NAALADL2: variants seen among roughly 807,000 people sequenced by gnomAD.
The protein encoded by NAALADL2 is inactive N-acetylated-alpha-linked acidic dipeptidase-like protein 2.
Under a neutral mutation model 87.2 loss-of-function variants are expected in NAALADL2, and 76 were observed. The observed-to-expected ratio is 0.87, with a 90% confidence interval of 0.72 to 1.05. NAALADL2 has a LOEUF of 1.05. Among genes scored for constraint, NAALADL2 ranks in the 50% least tolerant of loss-of-function variants. The probability of loss-of-function intolerance (pLI) is 0.00; values close to 1 mark genes in which losing one functional copy is unlikely to be tolerated. For missense variants in NAALADL2, 1,089 were observed against 945.8 expected (o/e 1.15, Z -1.99); for synonymous variants, 354 against 331.0 (o/e 1.07, Z -0.75).
At chr3:175,289,810 GA>G (rs1156722967) in intron 4 of NAALADL2, among the ~76,000 whole-genome samples, 1 of 151,424 alleles carries the variant, frequency 6.6e-6, no homozygotes, top group African/African-American at 2.4e-5. Context: ...ACAAACAAAA[GA>G]ACAAAATAAA....
intron 1 of NAALADL2, among the ~76,000 whole-genome samples, chr3:174,504,013 C>G (rs1331245015): frequency 2.0e-5 from 3 of 152,024 alleles, no homozygotes; most frequent in Admixed American, 6.6e-5. Flanking sequence ...GCATATTATT[C>G]TAGAACTTTA....
At chr3:174,882,585 ATATGTG>A (rs1729398658) in intron 1 of NAALADL2, among the ~76,000 whole-genome samples, 1 of 147,428 alleles carries the variant, frequency 6.8e-6, no homozygotes, top group African/African-American at 2.6e-5. Flanking sequence ...GCTTATACAC[ATATGTG>A]TATATACACA....
intron 5 of NAALADL2, among the ~76,000 whole-genome samples, chr3:175,440,359 G>T (rs903238287): frequency 7.9e-5 from 12 of 152,000 alleles, no homozygotes; most frequent in African/African-American, 2.7e-4. Context: ...TCTTGCTTTG[G>T]CTATGCAGGC....
At chr3:175,787,580 T>G (rs1413452695) in intron 13 of NAALADL2, among the ~76,000 whole-genome samples, 1 of 152,126 alleles carries the variant, frequency 6.6e-6, no homozygotes, top group African/African-American at 2.4e-5. Flanking sequence ...TCGCGCACGG[T>G]GCGCGCACCC....
At chr3:175,216,174 A>G (rs1742486559) in intron 2 of NAALADL2, among the ~76,000 whole-genome samples, 1 of 152,164 alleles carries the variant, frequency 6.6e-6, no homozygotes, top group Non-Finnish European at 1.5e-5. Context: ...GTATAAATGC[A>G]CACATAAGAA....
In NAALADL2 at chr3:174,735,514, A is replaced by G. The variant is rs147513151; in HGVS notation, c.-114-2127A>G. On this transcript the variant is annotated intron_variant, in intron 2 of 3. Coordinates refer to the NAALADL2 transcript ENST00000434257. ...TGTTTAATCCTTTTTTCCCAAAGAG[A>G]TACTAAGTTACTTCCTTCCAGTTAC... is the stretch of plus-strand genomic sequence containing the variant. 7.7e-3 allele frequency among the ~76,000 whole-genome samples: 1,169 copies of G among 152,170 alleles called. 16 individuals are homozygous for G. Among genetic ancestry groups the G allele is most frequent in the Middle Eastern group, 0.027 (8 of 294 alleles).
intron 2 of NAALADL2, among the ~76,000 whole-genome samples, chr3:174,642,721 A>C (rs1347242419): frequency 6.9e-6 from 1 of 145,094 alleles, no homozygotes; most frequent in Non-Finnish European, 1.5e-5. Context: ...CTTTAGACTA[A>C]AAGTAATATC....
chr3:175,544,829 C>G (rs1434340224), intron 9 of NAALADL2, among the ~76,000 whole-genome samples: 1 of 152,064 alleles, frequency 6.6e-6, no homozygotes. Context: ...ATTTTTCTGC[C>G]TATGTTATGG....
chr3:174,931,281 G>A (rs1386232488), intron 1 of NAALADL2, among the ~76,000 whole-genome samples: 1 of 152,102 alleles, frequency 6.6e-6, no homozygotes, highest in Non-Finnish European at 1.5e-5. Context: ...TAGGGGTTAA[G>A]ATCATGGGTT....
At chr3:174,824,631 A>C (rs530730577) in intron 3 of NAALADL2, among the ~76,000 whole-genome samples, 1 of 152,342 alleles carries the variant, frequency 6.6e-6, no homozygotes, top group South Asian at 2.1e-4. Context: ...AGTTTAGTTT[A>C]TTAACCAGAA....
chr3:174,870,077 G>C (rs1048687800), intron 1 of NAALADL2, among the ~76,000 whole-genome samples: 7 of 151,326 alleles, frequency 4.6e-5, no homozygotes, highest in Non-Finnish European at 8.8e-5. Flanking sequence ...GAGTTTGTGG[G>C]TGTGTGTGTG....
At chr3:174,485,217 C>T (rs1717778601) in intron 1 of NAALADL2, among the ~76,000 whole-genome samples, 1 of 151,938 alleles carries the variant, frequency 6.6e-6, no homozygotes, top group Non-Finnish European at 1.5e-5. Context: ...ATTTACATTG[C>T]ATGAGGTATT....
intron 1 of NAALADL2, among the ~76,000 whole-genome samples, chr3:174,960,626 A>T (rs1388369051): frequency 6.6e-6 from 1 of 152,012 alleles, no homozygotes; most frequent in Non-Finnish European, 1.5e-5. Context: ...CTTTTTTGGG[A>T]TAATATAATA....
chr3:175,432,814 C>T (rs533153807), intron 5 of NAALADL2, among the ~76,000 whole-genome samples: 3 of 152,144 alleles, frequency 2.0e-5, no homozygotes, highest in Admixed American at 2.0e-4. Flanking sequence ...TCAATGGAGC[C>T]GGACTTTGAC....
intron 2 of NAALADL2, among the ~76,000 whole-genome samples, chr3:175,150,464 G>C (rs1731384654): frequency 6.6e-6 from 1 of 152,120 alleles, no homozygotes; most frequent in African/African-American, 2.4e-5. Flanking sequence ...ACAGGTGCCA[G>C]TGCATCTATA....
chr3:174,606,204 A>T (rs540465483), intron 2 of NAALADL2, among the ~76,000 whole-genome samples: 2 of 152,304 alleles, frequency 1.3e-5, no homozygotes, highest in East Asian at 3.9e-4. Context: ...AGTAGATAAA[A>T]CCACAAAGAT....
intron 10 of NAALADL2, among the ~76,000 whole-genome samples, chr3:175,599,959 G>A (rs771786654): frequency 6.6e-6 from 1 of 151,904 alleles, no homozygotes; most frequent in Non-Finnish European, 1.5e-5. Context: ...GTGAGAGCAG[G>A]ACAGTGTTAT....
chr3:174,906,523 A>AC (rs1253268527), intron 1 of NAALADL2, among the ~76,000 whole-genome samples: 2 of 152,144 alleles, frequency 1.3e-5, no homozygotes, highest in Non-Finnish European at 2.9e-5. Flanking sequence ...GGATAGGCCT[A>AC]CATGGCAAGG....
At chr3:175,522,927 TA>T (rs1479971453) in intron 9 of NAALADL2, among the ~76,000 whole-genome samples, 1 of 152,206 alleles carries the variant, frequency 6.6e-6, no homozygotes, top group African/African-American at 2.4e-5. Flanking sequence ...TTGCAAGAAA[TA>T]AACATTTATG....
Sources: allele counts gnomAD v4.1 joint callset (sites outside exome capture counted in the v4.1 genomes callset), GRCh38; gene constraint gnomAD v4.1.1; transcripts MANE v1.5; gene names NCBI Gene and HGNC (gene_info 2026-07-23, HGNC 2026-07-21).